TEX11: variants seen among roughly 807,000 people sequenced by gnomAD.
TEX11 encodes testis expressed 11, also known as testis-expressed protein 11.
In TEX11, 7 loss-of-function variants were observed where a neutral mutation model predicts 84.4. That is an observed-to-expected ratio of 0.08 (90% CI 0.05 to 0.16). The LOEUF (loss-of-function observed/expected upper bound fraction) is 0.16, where lower values mean the gene tolerates loss of function less well. Ranked by LOEUF, TEX11 falls within the 10% of genes least tolerant of loss-of-function variation. The pLI is 1.00. For synonymous variants in TEX11, 264 were observed against 222.8 expected (o/e 1.18, Z -1.64); for missense variants, 551 against 660.5 (o/e 0.83, Z 1.82).
intron 7 of TEX11, among the ~76,000 whole-genome samples, chrX:70,834,246 T>C (rs2091392928): frequency 9.0e-6 from 1 of 111,029 alleles, no homozygotes; most frequent in South Asian, 3.8e-4. Context: ...AATCTCATCA[T>C]GAAGCCAAAA....
chrX:70,714,147 G>A (rs771459805), intron 13 of TEX11, among the ~76,000 whole-genome samples: 3 of 111,756 alleles, frequency 2.7e-5, no homozygotes, highest in East Asian at 2.8e-4. Context: ...TTGCACTGTG[G>A]TCTGAGAGAC....
At chrX:70,570,189 TG>T (rs1375473263) in intron 25 of TEX11, among the ~76,000 whole-genome samples, 1 of 112,125 alleles carries the variant, frequency 8.9e-6, no homozygotes, top group Non-Finnish European at 1.9e-5. Context: ...TGAGACTCTG[TG>T]GGCATAGGAC....
chrX:70,891,364 G>A (rs892281625), intron 2 of TEX11, among the ~76,000 whole-genome samples: 6 of 111,732 alleles, frequency 5.4e-5, no homozygotes, highest in African/African-American at 1.9e-4. Flanking sequence ...ATGGAACAAA[G>A]CTGGATGGAG....
chrX:70,650,780 AC>A (rs767728050), intron 17 of TEX11, among the ~76,000 whole-genome samples: 3 of 112,260 alleles, frequency 2.7e-5, no homozygotes, highest in Non-Finnish European at 5.6e-5. Flanking sequence ...ACAAATGGCA[AC>A]CAGTCTGGAG....
intron 11 of TEX11, among the ~76,000 whole-genome samples, chrX:70,725,842 G>A (rs912990130): frequency 9.0e-6 from 1 of 111,579 alleles, no homozygotes; most frequent in Non-Finnish European, 1.9e-5. Flanking sequence ...TTCCACTTTC[G>A]CCTGACAGGG....
chrX:70,740,602 A>G, intron 11 of TEX11, 99 bp downstream of exon 11: 1 of 490,682 alleles, frequency 2.0e-6, no homozygotes, highest in Non-Finnish European at 3.3e-6. Context: ...ACAATCTGTG[A>G]GAGTAAATGC....
At chrX:70,893,680 G>C (rs375748265) in intron 2 of TEX11, among the ~76,000 whole-genome samples, 1 of 111,363 alleles carries the variant, frequency 9.0e-6, no homozygotes, top group East Asian at 2.8e-4. Context: ...AGAAGCAAGA[G>C]CAAACAAATT....
At chrX:70,756,848 T>C (rs1488428120) in intron 9 of TEX11, among the ~76,000 whole-genome samples, 1 of 111,521 alleles carries the variant, frequency 9.0e-6, no homozygotes, top group Non-Finnish European at 1.9e-5. Context: ...TTCTAACCCA[T>C]CGCAAGGAAG....
Position 70,529,116 on chromosome X carries a change from G to A in TEX11, c.2757C>T (p.Gly919=), listed in dbSNP as rs764586736. The A allele has an allele frequency of 2.7e-5, 33 of 1,208,127 alleles. No individual in the cohort carries two copies. The East Asian group carries it at 8.6e-4, about 31-fold the overall frequency. The change falls in exon 30 of 30, where the codon GGC becomes GGT. Residue 919 remains glycine (G), a synonymous_variant. Coordinates refer to ENST00000374333, the MANE Select transcript of TEX11 (RefSeq NM_031276.3). ...NNKGPVFHEH[G]YWSKSD ...TTGCCTAATCTGACTTGCTCCAGTA[G>A]CCATGTTCATGAAAAACTGGGCCCT...
chrX:70,717,530 G>A (rs940117566), intron 13 of TEX11, among the ~76,000 whole-genome samples: 3 of 111,245 alleles, frequency 2.7e-5, no homozygotes, highest in Non-Finnish European at 3.8e-5. Context: ...TGTTGACCAG[G>A]CTGGTCTTGA....
chrX:70,769,254 AC>A (rs1032583171), intron 9 of TEX11, among the ~76,000 whole-genome samples: 5 of 111,726 alleles, frequency 4.5e-5, no homozygotes, highest in Non-Finnish European at 7.5e-5. Flanking sequence ...TCACTAAAAA[AC>A]AATAGAGAAA....
At chrX:70,579,367 C>T (rs1350844066) in intron 25 of TEX11, among the ~76,000 whole-genome samples, 22 of 106,110 alleles carry the variant, frequency 2.1e-4, no homozygotes, top group African/African-American at 6.2e-4. Context: ...TGGTGGCGGG[C>T]GCCTGTAGTC....
At chrX:70,621,559 T>A (rs1203107879) in intron 20 of TEX11, among the ~76,000 whole-genome samples, 26 of 35,678 alleles carry the variant, frequency 7.3e-4, no homozygotes, top group Non-Finnish European at 8.9e-4. Flanking sequence ...AAAATATATA[T>A]ATATATATAT....
rs775898736 is a variant in TEX11 at position 70,885,176 on chromosome X, G to A, written c.38-5067C>T. Among the ~76,000 whole-genome samples, 6 of 111,264 alleles carry A rather than the reference G, an allele frequency of 5.4e-5. No homozygotes were observed. In the South Asian group the frequency reaches 2.3e-3, roughly 43 times the overall value. On this transcript the variant is annotated intron_variant, in intron 2 of 29. Transcript: ENST00000374333. The stretch of plus-strand genomic sequence containing the variant: ...CAGAATCTCTGCCAAGCCTAATTGG[G>A]GGGGCCCTTCTCCTGTACAAGACAA...
At chrX:70,686,668 G>A (rs891693792) in intron 13 of TEX11, among the ~76,000 whole-genome samples, 1 of 102,601 alleles carries the variant, frequency 9.7e-6, no homozygotes, top group Non-Finnish European at 2.0e-5. Flanking sequence ...AAACCTGCAC[G>A]TTCTGCACAT....
intron 25 of TEX11, among the ~76,000 whole-genome samples, chrX:70,572,452 A>C (rs2088613599): frequency 9.0e-6 from 1 of 111,580 alleles, no homozygotes; most frequent in African/African-American, 3.3e-5. Context: ...GCGATTCCTC[A>C]GGGATCTAGA....
chrX:70,662,200 G>A (rs139185136), intron 16 of TEX11, among the ~76,000 whole-genome samples: 9,772 of 111,691 alleles, frequency 0.087, 930 homozygotes, highest in African/African-American at 0.28. Context: ...ACCATGGTAC[G>A]AGAACTACGT....
chrX:70,749,278 T>G (rs2147754655), intron 9 of TEX11, among the ~76,000 whole-genome samples: 1 of 107,169 alleles, frequency 9.3e-6, no homozygotes, highest in East Asian at 3.0e-4. Flanking sequence ...TTTTGTATCC[T>G]GAGACTTTGC....
At chrX:70,821,795 A>C (rs1283583385) in intron 8 of TEX11, among the ~76,000 whole-genome samples, 2 of 112,112 alleles carry the variant, frequency 1.8e-5, no homozygotes, top group Non-Finnish European at 3.8e-5. Context: ...AGGAATGGAG[A>C]AAAGGGAGCC....
Sources: allele counts gnomAD v4.1 joint callset (sites outside exome capture counted in the v4.1 genomes callset), GRCh38; gene constraint gnomAD v4.1.1; transcripts MANE v1.5; gene names NCBI Gene and HGNC (gene_info 2026-07-23, HGNC 2026-07-21).